Variants in HERC4 observed in about 807,000 individuals in gnomAD.
The protein encoded by HERC4 is HECT and RLD domain containing E3 ubiquitin protein ligase 4.
In HERC4, 28 loss-of-function variants were observed where a neutral mutation model predicts 124.3. The observed-to-expected ratio is 0.23, with a 90% CI of 0.17 to 0.31. The LOEUF (loss-of-function observed/expected upper bound fraction) is 0.31, where lower values mean the gene tolerates loss of function less well. Ranked by LOEUF, HERC4 falls within the 10% of genes least tolerant of loss-of-function variation. The pLI, the probability that HERC4 is intolerant of heterozygous loss-of-function variation, is 1.00. For missense variants in HERC4, 713 were observed against 1,229.3 expected (o/e 0.58, Z 6.28); for synonymous variants, 407 against 421.5 (o/e 0.97, Z 0.42).
Position 68,059,508 on chromosome 10 carries a change from ATAT to A in HERC4, c.226+13372_226+13374del, listed in dbSNP as rs1348535081. ...ATATATTATAACATTATATATTATAATATTATATATCATAATAATATTATATAT... is the reference window on the plus strand; with the variant it reads ...ATATATTATAACATTATATATTATAATATATATCATAATAATATTATATAT... On this transcript the variant is annotated intron_variant, in intron 3 of 24. Coordinates refer to ENST00000373700, the MANE Select transcript of HERC4 (RefSeq NM_015601.4). 5.7e-4 allele frequency among the ~76,000 whole-genome samples: 66 copies of A among 116,316 alleles called. 1 individual carries two copies. The highest frequency in any genetic ancestry group is 1.8e-3 in the African/African-American group (58 of 32,520). 76.3% of individuals were successfully genotyped at this position (116,316 alleles called of 152,430 possible).
intron 4 of HERC4, chr10:68,039,482 G>A (rs984991149): frequency 6.4e-7 from 1 of 1,550,814 alleles, no homozygotes; most frequent in Non-Finnish European, 8.7e-7. Context: ...TGATTTTCGG[G>A]AAGCAGCTTC....
intron 20 of HERC4, among the ~76,000 whole-genome samples, chr10:67,940,253 T>C (rs937643390): frequency 2.6e-5 from 4 of 152,160 alleles, no homozygotes; most frequent in Admixed American, 2.0e-4. Context: ...ATAAAATTTT[T>C]AATGCATTTT....
chr10:67,935,016 T>C (rs577059451), intron 22 of HERC4, among the ~76,000 whole-genome samples: 1 of 151,996 alleles, frequency 6.6e-6, no homozygotes, highest in Non-Finnish European at 1.5e-5. Context: ...CACGCATCAT[T>C]CTGAGGATAC....
At chr10:67,984,951 A>G (rs1455381495) in intron 15 of HERC4, among the ~76,000 whole-genome samples, 1 of 152,176 alleles carries the variant, frequency 6.6e-6, no homozygotes, top group African/African-American at 2.4e-5. Context: ...ATGTACTCAC[A>G]AAAATTAAGA....
chr10:67,944,270 A>G (rs2033151679), intron 19 of HERC4, among the ~76,000 whole-genome samples: 1 of 152,216 alleles, frequency 6.6e-6, no homozygotes, highest in Non-Finnish European at 1.5e-5. Context: ...ACTCTGGGAA[A>G]AAGTGAGGAA....
At chr10:68,020,642 G>A (rs1300911474) in intron 8 of HERC4, among the ~76,000 whole-genome samples, 4 of 151,028 alleles carry the variant, frequency 2.6e-5, no homozygotes, top group Admixed American at 1.3e-4. Flanking sequence ...AGTGGCGGGC[G>A]CCTGTAGTCC....
At chr10:68,008,123 T>G (rs1175590711) in intron 9 of HERC4, 1 of 152,216 alleles carries the variant, frequency 6.6e-6, no homozygotes, top group Non-Finnish European at 1.5e-5. Context: ...TTCTTCTCCC[T>G]TACTCTCCCC....
chr10:68,034,963 C>T (rs965663686), intron 5 of HERC4, among the ~76,000 whole-genome samples: 6 of 152,024 alleles, frequency 3.9e-5, no homozygotes, highest in African/African-American at 1.2e-4. Flanking sequence ...CCCTGCCTGT[C>T]ACTTTTGCTC....
intron 23 of HERC4, 35 bp from the exon 24 acceptor site, chr10:67,925,222 G>T: frequency 8.4e-7 from 1 of 1,196,082 alleles, no homozygotes; most frequent in Non-Finnish European, 1.2e-6. Context: ...AGTATTAAGG[G>T]ACACACTGGC....
At chr10:67,960,956 TG>T in intron 16 of HERC4, 1 of 354,552 alleles carries the variant, frequency 2.8e-6, no homozygotes, top group Non-Finnish European at 5.3e-6. Flanking sequence ...CTGAACCTCT[TG>T]GATCATGATT....
At chr10:68,013,663 A>C (rs986389525) in intron 9 of HERC4, among the ~76,000 whole-genome samples, 4 of 152,228 alleles carry the variant, frequency 2.6e-5, no homozygotes, top group African/African-American at 9.6e-5. Flanking sequence ...GATTGGTTAC[A>C]TAATAACGTG....
Position 68,059,969 on chromosome 10 carries a change from C to T in HERC4, c.226+12914G>A, listed in dbSNP as rs775367381. Among the ~76,000 whole-genome samples, 4 of 132,812 alleles carry T rather than the reference C, an allele frequency of 3.0e-5. 1 individual carries two copies. The East Asian group carries it at 6.1e-4, about 20-fold the overall frequency. The allele number at this position is 132,812 out of a possible 152,430, so 87.1% of individuals were successfully genotyped here. A position where few individuals can be genotyped will look rare whatever the true frequency, so the allele number is the denominator to read the frequency against. On this transcript the variant is annotated intron_variant, in intron 3 of 24. Coordinates refer to ENST00000373700, the MANE Select transcript of HERC4 (RefSeq NM_015601.4). ...ATTATATTATATTTTGTTTCTCTTG[C>T]TATTATAATAATTTGGTTTCTTTTC...
intron 23 of HERC4, among the ~76,000 whole-genome samples, chr10:67,928,779 C>T (rs773345558): frequency 2.0e-5 from 3 of 151,932 alleles, no homozygotes; most frequent in Non-Finnish European, 4.4e-5. Context: ...AAAAATCAGC[C>T]GGGAATAGTG....
At chr10:68,058,926 TCTAA>T (rs1213886267) in intron 3 of HERC4, among the ~76,000 whole-genome samples, 3 of 152,216 alleles carry the variant, frequency 2.0e-5, no homozygotes, top group Non-Finnish European at 2.9e-5. Flanking sequence ...TCTCCATCAA[TCTAA>T]CTCTCACCAC....
intron 23 of HERC4, among the ~76,000 whole-genome samples, chr10:67,926,541 A>C (rs2030994668): frequency 6.6e-6 from 1 of 152,098 alleles, no homozygotes; most frequent in Non-Finnish European, 1.5e-5. Flanking sequence ...AGTTCTTCAG[A>C]TGCGTCAGGT....
chr10:67,964,619 A>G (rs570008818), intron 16 of HERC4, among the ~76,000 whole-genome samples: 1 of 152,270 alleles, frequency 6.6e-6, no homozygotes, highest in East Asian at 1.9e-4. Flanking sequence ...ATTCAAAAAG[A>G]TCAGATTAAG....
At chr10:68,008,860 G>A (rs2037751126) in intron 9 of HERC4, among the ~76,000 whole-genome samples, 1 of 152,076 alleles carries the variant, frequency 6.6e-6, no homozygotes. Context: ...CCAGACAACT[G>A]CAATAAAGCA....
At chr10:68,055,476 C>A (rs1006712059) in intron 3 of HERC4, among the ~76,000 whole-genome samples, 1 of 151,846 alleles carries the variant, frequency 6.6e-6, no homozygotes, top group Non-Finnish European at 1.5e-5. Context: ...AAGTTCATAC[C>A]CCTTTTATAT....
intron 3 of HERC4, among the ~76,000 whole-genome samples, chr10:68,072,180 T>A (rs895866372): frequency 6.6e-6 from 1 of 152,154 alleles, no homozygotes; most frequent in African/African-American, 2.4e-5. Flanking sequence ...ACAATGATAC[T>A]CCTAAATGTA....
Sources: allele counts gnomAD v4.1 joint callset (sites outside exome capture counted in the v4.1 genomes callset), GRCh38; gene constraint gnomAD v4.1.1; transcripts MANE v1.5; gene names NCBI Gene and HGNC (gene_info 2026-07-23, HGNC 2026-07-21).